Variants in ARMC8 observed in about 807,000 individuals in gnomAD.
ARMC8 encodes the protein armadillo repeat-containing protein 8.
ARMC8 carries 20 observed loss-of-function variants against 99.3 expected under a neutral mutation model. The ratio of observed to expected loss-of-function variants is 0.20; its 90% CI spans 0.14 to 0.29. The LOEUF is 0.29. ARMC8 is among the 10% of genes least tolerant of loss of function. ARMC8 has a pLI of 1.00. For missense variants in ARMC8, 569 were observed against 809.5 expected (o/e 0.70, Z 3.60); for synonymous variants, 263 against 278.3 (o/e 0.95, Z 0.55).
intron 16 of ARMC8, among the ~76,000 whole-genome samples, chr3:138,271,264 A>T (rs543680033): frequency 3.3e-5 from 5 of 152,100 alleles, no homozygotes; most frequent in African/African-American, 1.2e-4. Context: ...TTTTTTTTAA[A>T]CTCACTTTCT....
At chr3:138,294,983 C>A (rs963353140) in intron 21 of ARMC8, among the ~76,000 whole-genome samples, 17 of 151,610 alleles carry the variant, frequency 1.1e-4, no homozygotes, top group African/African-American at 3.9e-4. Context: ...ACTGCAACCT[C>A]CACCCACCAG....
chr3:138,253,574 A>T (rs1024017917), intron 12 of ARMC8, among the ~76,000 whole-genome samples: 1 of 152,192 alleles, frequency 6.6e-6, no homozygotes, highest in African/African-American at 2.4e-5. Context: ...AATACTACAA[A>T]CTGAGAGAAC....
At chr3:138,283,051 A>T (rs769520436) in intron 18 of ARMC8, among the ~76,000 whole-genome samples, 26 of 152,180 alleles carry the variant, frequency 1.7e-4, no homozygotes, top group Non-Finnish European at 3.1e-4. Flanking sequence ...AACATGATCT[A>T]ACTGCCCTGG....
At chr3:138,241,077 GT>G (rs1260180318) in intron 10 of ARMC8, among the ~76,000 whole-genome samples, 2 of 152,138 alleles carry the variant, frequency 1.3e-5, no homozygotes, top group African/African-American at 4.8e-5. Context: ...AATAGTAAAT[GT>G]CTGTAATATT....
intron 1 of ARMC8, among the ~76,000 whole-genome samples, chr3:138,192,104 C>T (rs539723726): frequency 1.6e-4 from 24 of 152,214 alleles, no homozygotes; most frequent in South Asian, 1.5e-3. Flanking sequence ...TTTTACATTT[C>T]TACCAGTAAT....
At chr3:138,226,433 G>T (rs1280330462) in intron 5 of ARMC8, among the ~76,000 whole-genome samples, 1 of 152,124 alleles carries the variant, frequency 6.6e-6, no homozygotes, top group African/African-American at 2.4e-5. Flanking sequence ...GTTAAACAGG[G>T]TTTGCTAGAC....
intron 12 of ARMC8, among the ~76,000 whole-genome samples, chr3:138,259,280 C>T (rs1257680569): frequency 6.6e-6 from 1 of 152,198 alleles, no homozygotes; most frequent in Admixed American, 6.5e-5. Flanking sequence ...CTACCAGCTC[C>T]TTCCCTGCTG....
At position 138,297,722 on chromosome 3, in the gene ARMC8, A is replaced by G. The variant is rs889516567; in HGVS notation, c.*1830A>G. The G allele has an allele frequency of 6.6e-6, 1 of 152,220 alleles. No homozygotes were observed. Among genetic ancestry groups the G allele is most frequent in the Non-Finnish European group, 1.5e-5 (1 of 68,044 alleles). 9.4% of individuals were successfully genotyped at this position (152,220 alleles called of 1,614,324 possible). On this transcript the variant is annotated 3_prime_UTR_variant, in exon 22 of 22. Transcript: ENST00000469044. ...GGACTTGGTTTTGTGCAGATATCAG[A>G]GTGCTAATGTGAGAAACCCAGTTAA...
At chr3:138,190,085 A>C (rs1005918317) in intron 1 of ARMC8, among the ~76,000 whole-genome samples, 2 of 152,012 alleles carry the variant, frequency 1.3e-5, no homozygotes, top group African/African-American at 4.8e-5. Context: ...TTGTGCCTGC[A>C]CTACCACAGC....
intron 12 of ARMC8, among the ~76,000 whole-genome samples, chr3:138,255,181 G>A (rs1490928676): frequency 7.0e-6 from 1 of 142,740 alleles, no homozygotes; most frequent in Admixed American, 7.0e-5. Flanking sequence ...CCCAAACATT[G>A]TTCTGTTCTG....
At chr3:138,282,635 CAAA>C (rs760470914) in intron 18 of ARMC8, among the ~76,000 whole-genome samples, 1 of 47,502 alleles carries the variant, frequency 2.1e-5, no homozygotes, top group Non-Finnish European at 4.7e-5. Context: ...GACTCCATCT[CAAA>C]AAAAAAAAAA....
At chr3:138,263,945 A>T in intron 13 of ARMC8, 124 bp downstream of exon 13, 1 of 1,037,324 alleles carries the variant, frequency 9.6e-7, no homozygotes, top group Non-Finnish European at 1.5e-6. Flanking sequence ...AGGTGAATTC[A>T]TAGAGTATAT....
chr3:138,290,308 A>G (rs2050815522), intron 20 of ARMC8, among the ~76,000 whole-genome samples: 1 of 152,140 alleles, frequency 6.6e-6, no homozygotes, highest in African/African-American at 2.4e-5. Flanking sequence ...AATCAGTCCA[A>G]CTGCAGAACC....
At chr3:138,235,597 C>T (rs2046290055) in intron 7 of ARMC8, among the ~76,000 whole-genome samples, 1 of 152,092 alleles carries the variant, frequency 6.6e-6, no homozygotes, top group Admixed American at 6.5e-5. Flanking sequence ...TATATGAAAG[C>T]AAGCAGTGTC....
chr3:138,274,672 G>T, intron 18 of ARMC8, 128 bp downstream of exon 18: 1 of 668,312 alleles, frequency 1.5e-6, no homozygotes. Flanking sequence ...CTAGAAATAG[G>T]AAGAAATATC....
intron 6 of ARMC8, 152 bp downstream of exon 6, chr3:138,229,162 A>ATGTG (rs1317997066): frequency 7.9e-5 from 6 of 75,910 alleles, no homozygotes; most frequent in African/African-American, 3.0e-4. Context: ...ATATATATAT[A>ATGTG]TATATATATA....
chr3:138,187,562 G>C lies in ARMC8; in HGVS notation c.8G>C (p.Cys3Ser). MA[C>S]LLETPIRMSV... ...CGGGTGGGAAGGCTCAAGATGGCGT[G>C]CTTGTTGGAGACCCCAATCCGCATG... The change falls in exon 1 of 22, where the codon TGC (cysteine) becomes TCC (serine). Residue 3 changes from cysteine (C) to serine (S), a missense_variant. Coordinates refer to ENST00000469044, the MANE Select transcript of ARMC8 (RefSeq NM_001363941.2). 6.5e-7 allele frequency: 1 copy of C among 1,535,866 alleles called. No individual in the cohort carries two copies. The highest frequency in any genetic ancestry group is 8.7e-7 in the Non-Finnish European group (1 of 1,146,728).
At chr3:138,243,094 C>T (rs1015449460) in intron 11 of ARMC8, among the ~76,000 whole-genome samples, 1 of 152,216 alleles carries the variant, frequency 6.6e-6, no homozygotes, top group Non-Finnish European at 1.5e-5. Flanking sequence ...CCCTTAGCTA[C>T]TGCCTCATGA....
chr3:138,223,993 C>G (rs931704417), intron 5 of ARMC8, among the ~76,000 whole-genome samples: 4 of 142,122 alleles, frequency 2.8e-5, no homozygotes, highest in African/African-American at 1.1e-4. Flanking sequence ...GAGTCTTGCT[C>G]TGTCACCCAG....
Sources: gnomAD v4.1 joint callset for allele counts (sites outside exome capture counted in the v4.1 genomes callset) on GRCh38, gnomAD v4.1.1 for gene constraint, MANE v1.5 for transcripts, NCBI Gene and HGNC (gene_info 2026-07-23, HGNC 2026-07-21) for gene names.